Variants in GNB1 observed in about 807,000 individuals in gnomAD.
GNB1 encodes G protein subunit beta 1.
Under a neutral mutation model 42.9 loss-of-function variants are expected in GNB1, and 2 were observed. That is an observed-to-expected ratio of 0.05 (90% CI 0.02 to 0.15). The LOEUF (loss-of-function observed/expected upper bound fraction) is 0.15. GNB1 is among the 10% of genes least tolerant of loss of function. GNB1 has a pLI of 1.00. For synonymous variants in GNB1, 183 were observed against 174.7 expected (o/e 1.05, Z -0.38); for missense variants, 193 against 462.2 (o/e 0.42, Z 5.34).
chr1:1,801,085 C>CA (rs1646619453), intron 7 of GNB1, among the ~76,000 whole-genome samples: 1 of 152,232 alleles, frequency 6.6e-6, no homozygotes, highest in Non-Finnish European at 1.5e-5. Flanking sequence ...GCTGGAGGTG[C>CA]AGTGGCGTGA....
intron 2 of GNB1, among the ~76,000 whole-genome samples, chr1:1,827,192 T>C (rs1647011176): frequency 6.6e-6 from 1 of 152,202 alleles, no homozygotes; most frequent in South Asian, 2.1e-4. Flanking sequence ...AGTCTGAACT[T>C]TCCTAGTGTG....
Position 1,861,959 on chromosome 1 carries a change from G to A in GNB1, c.-95-22721C>T, listed in dbSNP as rs548547705. Among the ~76,000 whole-genome samples, 45 of 152,198 alleles carry A rather than the reference G, an allele frequency of 3.0e-4. No homozygotes were observed. In the South Asian group the frequency reaches 8.9e-3, roughly 30 times the overall value. ...CTCACGCCTGTAATCCCAGCTACTCGGGAGGCTGAGGCAAGAGAATCACTT... is the reference window on the plus strand; with the variant it reads ...CTCACGCCTGTAATCCCAGCTACTCAGGAGGCTGAGGCAAGAGAATCACTT... On this transcript the variant is annotated intron_variant, in intron 1 of 11. Transcript: ENST00000378609.
chr1:1,825,082 T>C (rs1033982372), intron 3 of GNB1: 2 of 247,174 alleles, frequency 8.1e-6, no homozygotes, highest in Non-Finnish European at 1.6e-5. Flanking sequence ...GGGAGGTAGA[T>C]ATCACAGTCT....
intron 1 of GNB1, among the ~76,000 whole-genome samples, chr1:1,852,965 G>C (rs1194638274): frequency 6.6e-6 from 1 of 152,142 alleles, no homozygotes; most frequent in Admixed American, 6.5e-5. Flanking sequence ...ACGCACTGCA[G>C]CGCTCTGAGG....
chr1:1,789,278 A>T lies in GNB1; in HGVS notation c.700-9T>A. 6.6e-7 allele frequency: 1 copy of T among 1,525,078 alleles called. No homozygotes were observed. The highest frequency in any genetic ancestry group is 9.1e-7 in the Non-Finnish European group (1 of 1,098,810). The allele number at this position is 1,525,078 out of a possible 1,614,324, so 94.5% of individuals were successfully genotyped here. On this transcript the variant is annotated splice_polypyrimidine_tract_variant and intron_variant, in intron 9 of 11. Transcript: ENST00000378609. ...TTGCCATTTGGAAAGAACTGGAAAG[A>T]GAAAGCAAATCAAGACATCATGTAA...
At chr1:1,885,058 G>A (rs1650071879) in intron 1 of GNB1, among the ~76,000 whole-genome samples, 1 of 151,950 alleles carries the variant, frequency 6.6e-6, no homozygotes, top group Non-Finnish European at 1.5e-5. Context: ...TAAGTTTGGA[G>A]CAATGAATTA....
chr1:1,822,326 G>A (rs1228542504), intron 3 of GNB1, among the ~76,000 whole-genome samples: 18 of 144,700 alleles, frequency 1.2e-4, no homozygotes, highest in African/African-American at 4.6e-4. Flanking sequence ...TTTTGAGACG[G>A]AGTCTCGCTC....
chr1:1,816,095 C>T lies in GNB1; in HGVS notation c.97-233G>A, dbSNP rs549201845. On this transcript the variant is annotated intron_variant, in intron 4 of 11. Transcript: ENST00000378609. ...CCTGTGTGCCCTGCCCTCCAATGCA[C>T]GCACACGAACATGGCCAGCCTTGAA... Among the ~76,000 whole-genome samples the T allele has an allele frequency of 1.2e-4, 18 of 152,306 alleles. No homozygotes were observed. The South Asian group carries it at 3.3e-3, about 28-fold the overall frequency.
intron 2 of GNB1, among the ~76,000 whole-genome samples, chr1:1,836,771 G>A (rs1240921623): frequency 2.0e-5 from 3 of 151,774 alleles, no homozygotes; most frequent in Admixed American, 2.0e-4. Flanking sequence ...GGTTGTTCTC[G>A]AACTCCCAAC....
chr1:1,825,822 G>A (rs1470472839), intron 2 of GNB1, among the ~76,000 whole-genome samples: 1 of 150,248 alleles, frequency 6.7e-6, no homozygotes, highest in Non-Finnish European at 1.5e-5. Flanking sequence ...CCGAGATGGC[G>A]CCAGTGCACT....
chr1:1,808,974 A>AT (rs1432337055), intron 5 of GNB1, among the ~76,000 whole-genome samples: 1 of 152,146 alleles, frequency 6.6e-6, no homozygotes, highest in African/African-American at 2.4e-5. Flanking sequence ...AGCTGTGAAC[A>AT]TATGTGGCTT....
rs192465792 is a variant in GNB1, at chr1:1,800,201, C to T, written c.430+4218G>A. 1.1e-3 allele frequency among the ~76,000 whole-genome samples: 160 copies of T among 152,240 alleles called. 1 individual carries two copies. The highest frequency in any genetic ancestry group is 3.7e-3 in the African/African-American group (154 of 41,556). ...AATCCAGAGGAGAGATCCACAAGGACCAACCTCAGGAAGATGAGATGCTGG... is the reference window on the plus strand; with the variant it reads ...AATCCAGAGGAGAGATCCACAAGGATCAACCTCAGGAAGATGAGATGCTGG... On this transcript the variant is annotated intron_variant, in intron 7 of 11. Transcript: ENST00000378609.
At chr1:1,804,033 C>T (rs1646662436) in intron 7 of GNB1, among the ~76,000 whole-genome samples, 1 of 140,682 alleles carries the variant, frequency 7.1e-6, no homozygotes, top group Non-Finnish European at 1.5e-5. Flanking sequence ...GTGGCTCACA[C>T]CTGTAATCCC....
At position 1,815,940 on chromosome 1, in the gene GNB1, G is replaced by A; in HGVS notation, c.97-78C>T. The stretch of plus-strand genomic sequence containing the variant: ...CTCATCACCCATCCTTGTCAAGGCT[G>A]TTGGCTCGCCCACTGTGCCTACCTC... On this transcript the variant is annotated intron_variant, in intron 4 of 11. Coordinates refer to ENST00000378609, the MANE Select transcript of GNB1 (RefSeq NM_002074.5). The A allele has an allele frequency of 4.5e-6, 4 of 888,506 alleles. No homozygotes were observed. In the South Asian group the frequency reaches 5.9e-5, roughly 13 times the overall value. The allele number at this position is 888,506 out of a possible 1,614,324, so 55.0% of individuals were successfully genotyped here. A position where few individuals can be genotyped will look rare whatever the true frequency, so the allele number is the denominator to read the frequency against.
chr1:1,866,818 T>C (rs555029793), intron 1 of GNB1, among the ~76,000 whole-genome samples: 4 of 151,746 alleles, frequency 2.6e-5, no homozygotes, highest in African/African-American at 7.3e-5. Flanking sequence ...GCTGGGTGTG[T>C]TGGCAGGCGC....
intron 7 of GNB1, among the ~76,000 whole-genome samples, chr1:1,796,151 A>G (rs566514124): frequency 2.0e-5 from 3 of 152,296 alleles, no homozygotes; most frequent in African/African-American, 7.2e-5. Flanking sequence ...ATTATGTTAG[A>G]TGGTTCTGCC....
intron 3 of GNB1, 89 bp downstream of exon 3, chr1:1,825,308 G>T: frequency 1.1e-6 from 1 of 887,574 alleles, no homozygotes; most frequent in Non-Finnish European, 1.9e-6. Context: ...CATAGAACAA[G>T]TCATCCTGTA....
chr1:1,815,781 C>A lies in GNB1; in HGVS notation c.178G>T (p.Ala60Ser), dbSNP rs1646845570. ...CTGGAGTCTGTGCCCCAGTGCATGG[C>A]GTAGATCTTGGCCAGGTGCCCCCGC... ...TLRGHLAKIY[A>S]MHWGTDSRLL... The change falls in exon 5 of 12, where the codon GCC (alanine) becomes TCC (serine). Residue 60 changes from alanine to serine, a missense_variant. Around this residue, in one of 2 missense-constraint regions of GNB1, gnomAD observed 150 missense variants for 410.8 expected, o/e 0.37. Transcript: ENST00000378609. 6.2e-7 allele frequency: 1 copy of A among 1,600,142 alleles called. No homozygotes were observed. Among genetic ancestry groups the A allele is most frequent in the Non-Finnish European group, 8.6e-7 (1 of 1,167,416 alleles).
chr1:1,842,030 G>A (rs755982258), intron 1 of GNB1, among the ~76,000 whole-genome samples: 5 of 152,230 alleles, frequency 3.3e-5, no homozygotes, highest in Non-Finnish European at 7.3e-5. Flanking sequence ...AAAGGAGGCC[G>A]AGCGTGGTGG....
Sources: allele counts gnomAD v4.1 joint callset (sites outside exome capture counted in the v4.1 genomes callset), GRCh38; gene constraint gnomAD v4.1.1; regional missense constraint gnomAD v4.1.1; transcripts MANE v1.5; gene names NCBI Gene and HGNC (gene_info 2026-07-23, HGNC 2026-07-21).